ALOX5AP: variants seen among roughly 807,000 people sequenced by gnomAD.
ALOX5AP encodes the protein arachidonate 5-lipoxygenase activating protein.
Under a neutral mutation model 18.5 loss-of-function variants are expected in ALOX5AP, and 9 were observed. The ratio of observed to expected loss-of-function variants is 0.49; its 90% CI spans 0.29 to 0.85. The LOEUF is 0.85. ALOX5AP is among the 40% of genes least tolerant of loss of function. ALOX5AP has a pLI of 0.08. For synonymous variants in ALOX5AP, 81 were observed against 78.6 expected, an observed-to-expected ratio of 1.03 and a Z score of -0.16; for missense variants, 172 against 202.5, an observed-to-expected ratio of 0.85 and a Z score of 0.91.
At chr13:30,754,932 C>T (rs970029407) in intron 3 of ALOX5AP, among the ~76,000 whole-genome samples, 3 of 152,188 alleles carry the variant, frequency 2.0e-5, no homozygotes, top group African/African-American at 2.4e-5. Context: ...AGGAGCACTG[C>T]GGCAGGTGAA....
intron 3 of ALOX5AP, among the ~76,000 whole-genome samples, chr13:30,753,437 CTAGA>C (rs1951868184): frequency 6.6e-6 from 1 of 152,140 alleles, no homozygotes; most frequent in Non-Finnish European, 1.5e-5. Context: ...CTTGCTGTAG[CTAGA>C]TAAATACAAT....
At chr13:30,744,394 G>C (rs1465871817) in intron 2 of ALOX5AP, 5 of 450,020 alleles carry the variant, frequency 1.1e-5, no homozygotes, top group Non-Finnish European at 2.1e-5. Flanking sequence ...GGTGGAGGGA[G>C]GTGTGATCTC....
intron 2 of ALOX5AP, among the ~76,000 whole-genome samples, chr13:30,744,750 G>A (rs1184228220): frequency 1.3e-5 from 2 of 152,204 alleles, no homozygotes; most frequent in African/African-American, 4.8e-5. Flanking sequence ...TCCTAAAGAT[G>A]GGTGCAATCT....
At chr13:30,753,609 C>T (rs1254129785) in intron 3 of ALOX5AP, among the ~76,000 whole-genome samples, 1 of 152,132 alleles carries the variant, frequency 6.6e-6, no homozygotes, top group Non-Finnish European at 1.5e-5. Flanking sequence ...AGAAAGGAAA[C>T]CCAAAGATAA....
intron 1 of ALOX5AP, among the ~76,000 whole-genome samples, chr13:30,716,554 T>C (rs751439727): frequency 9.9e-5 from 15 of 152,218 alleles, no homozygotes; most frequent in Non-Finnish European, 2.2e-4. Context: ...AGGGGGTCAA[T>C]CTACCTCACT....
At chr13:30,722,327 C>T (rs1402394049) in intron 1 of ALOX5AP, among the ~76,000 whole-genome samples, 1 of 152,224 alleles carries the variant, frequency 6.6e-6, no homozygotes, top group Non-Finnish European at 1.5e-5. Flanking sequence ...TCTTGTTCAC[C>T]TTGAACCACA....
At chr13:30,718,520 T>C (rs1951567917) in intron 1 of ALOX5AP, among the ~76,000 whole-genome samples, 1 of 151,936 alleles carries the variant, frequency 6.6e-6, no homozygotes, top group African/African-American at 2.4e-5. Context: ...TGCATACCCA[T>C]CCACTGTGCC....
chr13:30,741,837 T>G (rs1462684065), intron 1 of ALOX5AP, among the ~76,000 whole-genome samples: 2 of 150,858 alleles, frequency 1.3e-5, no homozygotes, highest in African/African-American at 2.4e-5. Flanking sequence ...TTCTGTTTTT[T>G]TTTTTTTTTT....
intron 4 of ALOX5AP, among the ~76,000 whole-genome samples, chr13:30,762,606 G>T (rs1951951373): frequency 6.7e-6 from 1 of 150,008 alleles, no homozygotes; most frequent in Non-Finnish European, 1.5e-5. Flanking sequence ...AAAAAGAAAA[G>T]AAAAAGAAAA....
upstream of ALOX5AP, among the ~76,000 whole-genome samples, chr13:30,730,933 T>C (rs1383311334): frequency 6.6e-6 from 1 of 151,984 alleles, no homozygotes; most frequent in Non-Finnish European, 1.5e-5. Context: ...TAATTATTCT[T>C]GCCTACTCCC....
At chr13:30,722,019 T>C (rs1951598095) in intron 1 of ALOX5AP, among the ~76,000 whole-genome samples, 2 of 152,256 alleles carry the variant, frequency 1.3e-5, no homozygotes, top group African/African-American at 2.4e-5. Context: ...CCAAGCTCTA[T>C]TCAAGGCAGT....
At chr13:30,724,712 T>C (rs1224910056) in intron 1 of ALOX5AP, among the ~76,000 whole-genome samples, 1 of 152,234 alleles carries the variant, frequency 6.6e-6, no homozygotes, top group Non-Finnish European at 1.5e-5. Context: ...TGGGCCACCG[T>C]GTTGTCTTTT....
At chr13:30,748,730 C>G (rs1358242509) in intron 2 of ALOX5AP, among the ~76,000 whole-genome samples, 1 of 152,242 alleles carries the variant, frequency 6.6e-6, no homozygotes, top group Non-Finnish European at 1.5e-5. Context: ...GGCACTTCAC[C>G]TTGTTTCATT....
intron 1 of ALOX5AP, among the ~76,000 whole-genome samples, chr13:30,721,701 A>G (rs1951595450): frequency 6.6e-6 from 1 of 151,972 alleles, no homozygotes; most frequent in Non-Finnish European, 1.5e-5. Flanking sequence ...TCCTCTTAAA[A>G]TCCTCAAGTG....
At position 30,720,792 on chromosome 13, in the gene ALOX5AP, G is replaced by T. The variant is rs189201744; in HGVS notation, c.116+6951G>T. Among the ~76,000 whole-genome samples, 314 of 152,272 alleles carry T rather than the reference G, an allele frequency of 2.1e-3. 1 individual carries two copies. Among genetic ancestry groups the T allele is most frequent in the African/African-American group, 7.3e-3 (305 of 41,542 alleles). ...TTTAATCTGAATATCCTATTTCCTT[G>T]CATGTTGCAAAATTTTTGTCAATAA... is the stretch of plus-strand genomic sequence containing the variant. On this transcript the variant is annotated intron_variant, in intron 1 of 5. Coordinates refer to the ALOX5AP transcript ENST00000617770.
chr13:30,732,290 C>T (rs1951687761), upstream of ALOX5AP, among the ~76,000 whole-genome samples: 1 of 152,172 alleles, frequency 6.6e-6, no homozygotes, highest in South Asian at 2.1e-4. Context: ...TCCCTGCGTT[C>T]CACGGAGCCC....
At chr13:30,742,970 C>T (rs1232451776) in intron 1 of ALOX5AP, among the ~76,000 whole-genome samples, 1 of 150,670 alleles carries the variant, frequency 6.6e-6, no homozygotes, top group Non-Finnish European at 1.5e-5. Flanking sequence ...CTATCTTATC[C>T]CCCTATCCTG....
chr13:30,741,583 A>G (rs1430087497), intron 1 of ALOX5AP, among the ~76,000 whole-genome samples: 1 of 97,978 alleles, frequency 1.0e-5, no homozygotes, highest in African/African-American at 4.1e-5. Context: ...TAATTTTTGT[A>G]TTTTTAGTAG....
At chr13:30,733,281 A>C (rs188159053), upstream of ALOX5AP, among the ~76,000 whole-genome samples, 8 of 151,962 alleles carry the variant, frequency 5.3e-5, no homozygotes, top group Admixed American at 5.2e-4. Context: ...AGACTCTTTG[A>C]GTGAATAAAT....
Sources: gnomAD v4.1 joint callset for allele counts (sites outside exome capture counted in the v4.1 genomes callset) on GRCh38, gnomAD v4.1.1 for gene constraint, MANE v1.5 for transcripts, NCBI Gene and HGNC (gene_info 2026-07-23, HGNC 2026-07-21) for gene names.